Variants in ANP32B observed in about 807,000 individuals in gnomAD.
ANP32B encodes acidic leucine-rich nuclear phosphoprotein 32 family member B.
ANP32B carries 6 observed loss-of-function variants against 32.2 expected under a neutral mutation model. That is an observed-to-expected ratio of 0.19 (90% CI 0.10 to 0.37). The LOEUF (loss-of-function observed/expected upper bound fraction) is 0.37. Ranked by LOEUF, ANP32B falls within the 10% of genes least tolerant of loss-of-function variation. The probability of loss-of-function intolerance (pLI) is 1.00; values close to 1 mark genes in which losing one functional copy is unlikely to be tolerated. For missense variants in ANP32B, 204 were observed against 289.2 expected (o/e 0.71, Z 2.14); for synonymous variants, 98 against 105.8 (o/e 0.93, Z 0.45).
In ANP32B at chr9:97,983,345, T is replaced by TC. The variant is rs904180364; in HGVS notation, c.-208dup. 5 of 511,600 alleles carry TC rather than the reference T, an allele frequency of 9.8e-6. No individual in the cohort carries two copies. The highest frequency in any genetic ancestry group is 8.1e-5 in the Admixed American group (2 of 24,718). The allele number at this position is 511,600 out of a possible 1,614,324, so 31.7% of individuals were successfully genotyped here. A position where few individuals can be genotyped will look rare whatever the true frequency, so the allele number is the denominator to read the frequency against. On this transcript the variant is annotated 5_prime_UTR_variant, in exon 1 of 7. Coordinates refer to ENST00000339399, the MANE Select transcript of ANP32B (RefSeq NM_006401.3). ...CCAGCGCTGCGCTCCAGCCCCCTTT[T>TC]CCCTCCATGGTTTCTCTCCGCTCCC...
At chr9:97,992,336 G>A (rs1362455869) in intron 1 of ANP32B, among the ~76,000 whole-genome samples, 3 of 152,080 alleles carry the variant, frequency 2.0e-5, no homozygotes, top group African/African-American at 2.4e-5. Flanking sequence ...TGATCCGCCC[G>A]CCTTGACCTC....
intron 1 of ANP32B, among the ~76,000 whole-genome samples, chr9:97,985,329 C>A (rs957955): frequency 3.3e-5 from 5 of 151,852 alleles, no homozygotes; most frequent in Non-Finnish European, 5.9e-5. Flanking sequence ...TAACGCGGGG[C>A]GGGCCGGGCT....
rs182726196 is a variant in ANP32B, at chr9:98,012,072, G to C, written c.637-349G>C. Among the ~76,000 whole-genome samples, 454 of 152,276 alleles carry C rather than the reference G, an allele frequency of 3.0e-3. 4 individuals carry two copies. The highest frequency in any genetic ancestry group is 0.011 in the African/African-American group (437 of 41,548). ...GGTGTATGATTGACATTAAAGTTCTGAAAGAAGCTTTGTATATGAATGGGA... is the reference window on the plus strand; with the variant it reads ...GGTGTATGATTGACATTAAAGTTCTCAAAGAAGCTTTGTATATGAATGGGA... On this transcript the variant is annotated intron_variant, in intron 5 of 6. Coordinates refer to ENST00000339399, the MANE Select transcript of ANP32B (RefSeq NM_006401.3).
intron 1 of ANP32B, among the ~76,000 whole-genome samples, chr9:97,993,005 G>A (rs551370296): frequency 9.2e-5 from 14 of 152,226 alleles, no homozygotes; most frequent in East Asian, 1.9e-4. Flanking sequence ...TTCAACCCCC[G>A]GCATATGTCT....
In ANP32B at chr9:97,985,605, A is replaced by G. The variant is rs115948850; in HGVS notation, c.54+1996A>G. Among the ~76,000 whole-genome samples, 503 of 152,350 alleles carry G rather than the reference A, an allele frequency of 3.3e-3. 2 individuals are homozygous for G. The highest frequency in any genetic ancestry group is 0.012 in the African/African-American group (481 of 41,582). On this transcript the variant is annotated intron_variant, in intron 1 of 6. Coordinates refer to ENST00000339399, the MANE Select transcript of ANP32B (RefSeq NM_006401.3). Reference sequence around the variant, plus strand: ...GCTAAAATTAGCCAAAGTGCCCGCAAGAGAAGTACACACGTGGGTCTTCAG... The same window carrying G: ...GCTAAAATTAGCCAAAGTGCCCGCAGGAGAAGTACACACGTGGGTCTTCAG...
At chr9:98,011,230 C>T (rs375803909) in intron 4 of ANP32B, 41 bp from the exon 5 acceptor site, 31 of 1,542,890 alleles carry the variant, frequency 2.0e-5, no homozygotes, top group African/African-American at 4.1e-5. Flanking sequence ...CCCTGTGGAG[C>T]GTCGAGGATA....
intron 4 of ANP32B, 34 bp downstream of exon 4, chr9:98,005,187 C>A: frequency 6.3e-7 from 1 of 1,594,036 alleles, no homozygotes; most frequent in Non-Finnish European, 8.6e-7. Context: ...AACCTGATGT[C>A]TGCCTTTCAA....
intron 2 of ANP32B, among the ~76,000 whole-genome samples, chr9:97,996,528 A>G (rs952557169): frequency 6.6e-6 from 1 of 152,178 alleles, no homozygotes; most frequent in African/African-American, 2.4e-5. Context: ...ACTTAAAGGC[A>G]GGTTGAGTGT....
At chr9:97,991,228 G>C (rs989745377) in intron 1 of ANP32B, among the ~76,000 whole-genome samples, 33 of 151,778 alleles carry the variant, frequency 2.2e-4, no homozygotes, top group Admixed American at 9.2e-4. Flanking sequence ...TGATCCTCCT[G>C]CATCAGCCTC....
chr9:97,983,742 AGGCG>A, intron 1 of ANP32B, 133 bp downstream of exon 1: 2 of 640,018 alleles, frequency 3.1e-6, no homozygotes, highest in Non-Finnish European at 4.7e-6. Context: ...CGGACGGGGA[AGGCG>A]GGCGGGCGCG....
intron 5 of ANP32B, 150 bp downstream of exon 5, chr9:98,011,539 G>A (rs1828185913): frequency 2.4e-6 from 3 of 1,237,660 alleles, no homozygotes; most frequent in South Asian, 1.7e-5. Flanking sequence ...GGTTAATTTA[G>A]TGTTTGTCTG....
intron 1 of ANP32B, among the ~76,000 whole-genome samples, chr9:97,992,874 A>G (rs1741614478): frequency 1.3e-5 from 2 of 152,166 alleles, no homozygotes. Flanking sequence ...TCCAAGCCCT[A>G]GTCTCTACAA....
intron 6 of ANP32B, among the ~76,000 whole-genome samples, chr9:98,014,401 C>G (rs1430261440): frequency 6.6e-6 from 1 of 151,040 alleles, no homozygotes; most frequent in Non-Finnish European, 1.5e-5. Flanking sequence ...GAGCCAGAGT[C>G]TGTCTCAAAA....
At chr9:98,000,893 G>C (rs1827978605) in intron 3 of ANP32B, among the ~76,000 whole-genome samples, 2 of 148,674 alleles carry the variant, frequency 1.3e-5, no homozygotes, top group African/African-American at 5.0e-5. Context: ...CTGCACTCCA[G>C]CCTGGGTGAC....
chr9:97,984,378 C>T (rs1260975117), intron 1 of ANP32B, among the ~76,000 whole-genome samples: 2 of 151,502 alleles, frequency 1.3e-5, no homozygotes, highest in Non-Finnish European at 2.9e-5. Context: ...CCCTCTTCGC[C>T]CTCGGCCTTG....
intron 4 of ANP32B, among the ~76,000 whole-genome samples, chr9:98,010,028 T>C (rs576074623): frequency 5.3e-5 from 8 of 152,292 alleles, no homozygotes; most frequent in African/African-American, 1.7e-4. Flanking sequence ...TAAAAACCAT[T>C]TGTGCTTGTT....
intron 1 of ANP32B, chr9:97,984,534 G>A (rs1253883148): frequency 1.3e-5 from 2 of 150,560 alleles, no homozygotes; most frequent in East Asian, 3.9e-4. Context: ...TGGGCGGGCG[G>A]CGGCTCTTCA....
Position 98,013,841 on chromosome 9 carries a change from G to A in ANP32B, c.688+1369G>A, listed in dbSNP as rs75090586. On this transcript the variant is annotated intron_variant, in intron 6 of 6. Coordinates refer to ENST00000339399, the MANE Select transcript of ANP32B (RefSeq NM_006401.3). ...ACTGCACTGCAGCCTGGACAACAGA[G>A]CAAGACTCTGTCTCAAAAAAAAAAA... is the stretch of plus-strand genomic sequence containing the variant. Among the ~76,000 whole-genome samples the A allele has an allele frequency of 2.5e-3, 379 of 151,262 alleles. 7 individuals are homozygous for A. The East Asian group carries it at 0.049, about 20-fold the overall frequency.
At chr9:97,988,430 G>C (rs969584841) in intron 1 of ANP32B, among the ~76,000 whole-genome samples, 3 of 152,066 alleles carry the variant, frequency 2.0e-5, no homozygotes, top group African/African-American at 7.2e-5. Context: ...ACCACTAATA[G>C]AGATCCGTTC....
Sources: allele counts gnomAD v4.1 joint callset (sites outside exome capture counted in the v4.1 genomes callset), GRCh38; gene constraint gnomAD v4.1.1; transcripts MANE v1.5; gene names NCBI Gene and HGNC (gene_info 2026-07-23, HGNC 2026-07-21).